The following MAOB variants were observed in gnomAD, a reference collection of about 807,000 sequenced individuals.
MAOB encodes the protein amine oxidase [flavin-containing] B.
MAOB carries 15 observed loss-of-function variants against 41.9 expected under a neutral mutation model. The observed-to-expected ratio is 0.36, with a 90% CI of 0.24 to 0.55. MAOB has a LOEUF of 0.55. MAOB is among the 20% of genes least tolerant of loss of function. The pLI, the probability that MAOB is intolerant of heterozygous loss-of-function variation, is 0.86. For synonymous variants in MAOB, 167 were observed against 144.2 expected, an observed-to-expected ratio of 1.16 and a Z score of -1.13; for missense variants, 345 against 398.7, an observed-to-expected ratio of 0.87 and a Z score of 1.15.
chrX:43,831,238 C>A (rs1363183732), intron 3 of MAOB, among the ~76,000 whole-genome samples: 7 of 111,337 alleles, frequency 6.3e-5, no homozygotes, highest in Non-Finnish European at 1.9e-5. Flanking sequence ...GTGAGAGGCA[C>A]AGAGATCTGC....
intron 6 of MAOB, among the ~76,000 whole-genome samples, chrX:43,796,783 T>C (rs1390533668): frequency 8.9e-6 from 1 of 112,040 alleles, no homozygotes. Context: ...AAATTGAAAA[T>C]GCATTACTGA....
chrX:43,871,926 A>G (rs1390422374), intron 1 of MAOB, among the ~76,000 whole-genome samples: 1 of 111,592 alleles, frequency 9.0e-6, no homozygotes, highest in African/African-American at 3.3e-5. Flanking sequence ...ATTTGAATGC[A>G]AAATACAGAG....
intron 3 of MAOB, among the ~76,000 whole-genome samples, chrX:43,831,994 G>A (rs1223890045): frequency 9.0e-6 from 1 of 111,170 alleles, no homozygotes; most frequent in Non-Finnish European, 1.9e-5. Context: ...TCTTCCAATT[G>A]TTTAAATCTT....
At chrX:43,798,328 T>C (rs764715811) in intron 5 of MAOB, among the ~76,000 whole-genome samples, 2 of 112,310 alleles carry the variant, frequency 1.8e-5, no homozygotes, top group African/African-American at 3.2e-5. Flanking sequence ...GAATGATTGA[T>C]GAGAAATATC....
intron 1 of MAOB, 30 bp from the exon 2 acceptor site, chrX:43,843,794 T>C (rs1666342677): frequency 8.3e-7 from 1 of 1,204,383 alleles, no homozygotes. Flanking sequence ...GACATCAGGA[T>C]CAAATACAAG....
chrX:43,771,188 T>G (rs2034177740), intron 12 of MAOB, among the ~76,000 whole-genome samples: 1 of 112,242 alleles, frequency 8.9e-6, no homozygotes. Context: ...TTTATGATGG[T>G]GTTAAAACAA....
intron 3 of MAOB, among the ~76,000 whole-genome samples, chrX:43,811,771 T>C (rs771997554): frequency 3.6e-5 from 4 of 111,682 alleles, no homozygotes; most frequent in Non-Finnish European, 7.5e-5. Context: ...AGGCATGCAA[T>C]GTGTAATAAT....
intron 8 of MAOB, among the ~76,000 whole-genome samples, chrX:43,782,726 G>T (rs1447738514): frequency 9.0e-6 from 1 of 111,680 alleles, no homozygotes; most frequent in African/African-American, 3.3e-5. Context: ...GATGAACATC[G>T]ATGCAAAAAT....
chrX:43,858,691 G>T (rs1036745242), intron 1 of MAOB, among the ~76,000 whole-genome samples: 28 of 110,742 alleles, frequency 2.5e-4, no homozygotes, highest in Admixed American at 1.9e-4. Context: ...ACCATGGCAG[G>T]CTAGGAGAAG....
At chrX:43,833,807 G>A (rs1348807286) in intron 3 of MAOB, among the ~76,000 whole-genome samples, 1 of 111,674 alleles carries the variant, frequency 9.0e-6, no homozygotes, top group Non-Finnish European at 1.9e-5. Flanking sequence ...AGTTCCAAAT[G>A]GAAACCTTGG....
At chrX:43,828,004 A>G (rs1310523578) in intron 3 of MAOB, among the ~76,000 whole-genome samples, 1 of 111,688 alleles carries the variant, frequency 9.0e-6, no homozygotes, top group Non-Finnish European at 1.9e-5. Flanking sequence ...TCCCTAAAAT[A>G]GCAGCAGCAC....
intron 1 of MAOB, among the ~76,000 whole-genome samples, chrX:43,845,243 A>G (rs2035186766): frequency 9.0e-6 from 1 of 111,357 alleles, no homozygotes; most frequent in Admixed American, 9.5e-5. Flanking sequence ...AGTTCCAATT[A>G]CCTTCCTCAT....
intron 14 of MAOB, among the ~76,000 whole-genome samples, chrX:43,767,946 C>T (rs1425250860): frequency 2.7e-5 from 3 of 112,120 alleles, no homozygotes; most frequent in African/African-American, 9.7e-5. Flanking sequence ...GCTGCTGTGC[C>T]TTTGCCACAA....
chrX:43,794,812 G>A lies in MAOB; in HGVS notation c.768+927C>T, dbSNP rs1347579286. On this transcript the variant is annotated intron_variant, in intron 7 of 14. Coordinates refer to ENST00000378069, the MANE Select transcript of MAOB (RefSeq NM_000898.5). ...GTTGACTTCGGCTTTGATTATCTAT[G>A]AGACTGTGGCCTCTTCCCACTTGTT... Among the ~76,000 whole-genome samples the A allele has an allele frequency of 4.6e-5, 5 of 109,623 alleles. No homozygotes were observed. The Admixed American group carries it at 4.9e-4, about 11-fold the overall frequency.
At chrX:43,795,698 G>A in intron 7 of MAOB, 41 bp downstream of exon 7, 5 of 1,090,305 alleles carry the variant, frequency 4.6e-6, no homozygotes, top group Admixed American at 2.4e-5. Flanking sequence ...CCAGGAAACT[G>A]GGATGAAGAT....
At chrX:43,853,489 T>C (rs986998401) in intron 1 of MAOB, among the ~76,000 whole-genome samples, 3 of 110,352 alleles carry the variant, frequency 2.7e-5, no homozygotes, top group Admixed American at 1.9e-4. Context: ...ATGAGTAAAT[T>C]TGGGTAGCAT....
intron 11 of MAOB, among the ~76,000 whole-genome samples, chrX:43,776,103 G>T (rs1569209329): frequency 8.9e-6 from 1 of 112,120 alleles, no homozygotes; most frequent in Admixed American, 9.4e-5. Context: ...GTATCACCAC[G>T]CTACACGCCC....
chrX:43,809,688 T>A (rs967093903), intron 3 of MAOB, among the ~76,000 whole-genome samples: 17 of 112,012 alleles, frequency 1.5e-4, no homozygotes, highest in African/African-American at 4.9e-4. Context: ...GATGGAAACA[T>A]TCCAGTGATT....
At chrX:43,777,162 C>G (rs760973189) in intron 11 of MAOB, among the ~76,000 whole-genome samples, 1 of 111,435 alleles carries the variant, frequency 9.0e-6, no homozygotes, top group South Asian at 3.8e-4. Context: ...GGATCTAGAA[C>G]TAGAAATATC....
Sources: allele counts gnomAD v4.1 joint callset (sites outside exome capture counted in the v4.1 genomes callset), GRCh38; gene constraint gnomAD v4.1.1; transcripts MANE v1.5; gene names NCBI Gene and HGNC (gene_info 2026-07-23, HGNC 2026-07-21).